CTNNA3: variants seen among roughly 807,000 people sequenced by gnomAD.
CTNNA3 encodes the protein catenin alpha-3.
In CTNNA3, 76 loss-of-function variants were observed where a neutral mutation model predicts 95.7. That is an observed-to-expected ratio of 0.79 (90% CI 0.66 to 0.96). The LOEUF is 0.96. Among genes scored for constraint, CTNNA3 ranks in the 40% least tolerant of loss-of-function variants. CTNNA3 has a pLI of 0.00. For synonymous variants in CTNNA3, 431 were observed against 374.4 expected (o/e 1.15, Z -1.74); for missense variants, 1,191 against 1,089.8 (o/e 1.09, Z -1.31).
At position 66,340,807 on chromosome 10, in the gene CTNNA3, C is replaced by T. The variant is rs564876435; in HGVS notation, c.1732+38345G>A. On this transcript the variant is annotated intron_variant, in intron 12 of 17. Coordinates refer to ENST00000433211, the MANE Select transcript of CTNNA3 (RefSeq NM_013266.4). Reference sequence around the variant, plus strand: ...TGTTTAATAGATAAATAAAATGTGGCGAAAAAAAGGTGAAGTAATATCCAA... The same window carrying T: ...TGTTTAATAGATAAATAAAATGTGGTGAAAAAAAGGTGAAGTAATATCCAA... Among the ~76,000 whole-genome samples the T allele has an allele frequency of 8.9e-4, 134 of 150,726 alleles. 1 individual carries two copies. The highest frequency in any genetic ancestry group is 5.3e-4 in the African/African-American group (22 of 41,190).
chr10:67,292,999 A>C (rs1373315087), intron 5 of CTNNA3, among the ~76,000 whole-genome samples: 4 of 152,022 alleles, frequency 2.6e-5, no homozygotes, highest in Non-Finnish European at 5.9e-5. Context: ...AGGATATTGA[A>C]TCATATAAAT....
At chr10:67,001,829 G>T (rs975904936) in intron 7 of CTNNA3, among the ~76,000 whole-genome samples, 2 of 152,140 alleles carry the variant, frequency 1.3e-5, no homozygotes. Context: ...TCTACTGACT[G>T]TATCTCTTCC....
intron 7 of CTNNA3, among the ~76,000 whole-genome samples, chr10:67,139,238 T>G: frequency 6.6e-6 from 1 of 151,884 alleles, no homozygotes; most frequent in Non-Finnish European, 1.5e-5. Flanking sequence ...GTTCAAGTGC[T>G]TCTCCTGCTT....
Position 66,451,320 on chromosome 10 carries a change from A to G in CTNNA3, c.1531+69297T>C, listed in dbSNP as rs531496805. On this transcript the variant is annotated intron_variant, in intron 11 of 17. Transcript: ENST00000433211. ...GTGTCATTTTATTTAATCATGTAAC[A>G]ACACAATAAGGTAAATGTTATTATA... 2.6e-5 allele frequency among the ~76,000 whole-genome samples: 4 copies of G among 152,318 alleles called. No individual in the cohort carries two copies. The South Asian group carries it at 8.3e-4, about 32-fold the overall frequency.
chr10:67,074,222 G>A (rs750174027), intron 7 of CTNNA3, among the ~76,000 whole-genome samples: 9 of 151,288 alleles, frequency 5.9e-5, no homozygotes, highest in Admixed American at 1.3e-4. Context: ...TAATAGAAAC[G>A]GGGTTTCACC....
chr10:66,776,639 C>T (rs1241767022), intron 7 of CTNNA3, among the ~76,000 whole-genome samples: 2 of 152,076 alleles, frequency 1.3e-5, no homozygotes, highest in Non-Finnish European at 2.9e-5. Flanking sequence ...TGTCTCTTCT[C>T]CCCAGTTCTT....
intron 16 of CTNNA3, among the ~76,000 whole-genome samples, chr10:65,976,443 A>G (rs916207154): frequency 6.6e-6 from 1 of 152,206 alleles, no homozygotes; most frequent in Non-Finnish European, 1.5e-5. Context: ...AGAAAAGCCT[A>G]TAATTCCATT....
chr10:65,970,745 A>T (rs1275483051), intron 16 of CTNNA3, among the ~76,000 whole-genome samples: 1 of 149,052 alleles, frequency 6.7e-6, no homozygotes, highest in Non-Finnish European at 1.5e-5. Flanking sequence ...GATAAAAAAG[A>T]CTTTAAACCA....
chr10:67,160,192 C>A (rs1348290631), intron 7 of CTNNA3, among the ~76,000 whole-genome samples: 2 of 151,688 alleles, frequency 1.3e-5, no homozygotes, highest in African/African-American at 4.8e-5. Flanking sequence ...GTTAGGAAAG[C>A]TATTATCAAT....
At chr10:65,964,266 C>G (rs988416477) in intron 17 of CTNNA3, among the ~76,000 whole-genome samples, 1 of 152,144 alleles carries the variant, frequency 6.6e-6, no homozygotes, top group Admixed American at 6.5e-5. Context: ...ATTTAGAAAG[C>G]TTTCTAGGAT....
chr10:66,688,500 A>G (rs1168653255), intron 9 of CTNNA3, among the ~76,000 whole-genome samples: 9 of 152,136 alleles, frequency 5.9e-5, no homozygotes, highest in Non-Finnish European at 1.3e-4. Context: ...GTTAGGTCAA[A>G]GAACGAATGA....
intron 12 of CTNNA3, among the ~76,000 whole-genome samples, chr10:66,360,820 T>TTCCTTC (rs2092664698): frequency 1.8e-5 from 1 of 56,554 alleles, no homozygotes; most frequent in African/African-American, 1.3e-4. Context: ...TTCCTTCCTT[T>TTCCTTC]CTTTCTTTCT....
chr10:66,426,066 C>T (rs12267524), intron 11 of CTNNA3, among the ~76,000 whole-genome samples: 58,104 of 151,890 alleles, frequency 0.38, 11,675 homozygotes, highest in African/African-American at 0.5. Flanking sequence ...CTGTTTCATT[C>T]ATTTTCATTG....
chr10:66,740,764 T>C (rs1233193745), intron 9 of CTNNA3, among the ~76,000 whole-genome samples: 1 of 152,242 alleles, frequency 6.6e-6, no homozygotes, highest in African/African-American at 2.4e-5. Context: ...TAAGTATGAT[T>C]AAATTCCACT....
chr10:67,587,151 A>G (rs1842652233), intron 3 of CTNNA3, among the ~76,000 whole-genome samples: 1 of 150,412 alleles, frequency 6.6e-6, no homozygotes, highest in South Asian at 2.1e-4. Flanking sequence ...CAGCCTCCCA[A>G]GTAGCTAGGA....
At chr10:67,695,165 C>T (rs1485860169) in intron 1 of CTNNA3, among the ~76,000 whole-genome samples, 1 of 152,232 alleles carries the variant, frequency 6.6e-6, no homozygotes, top group African/African-American at 2.4e-5. Flanking sequence ...AACTTGAAAT[C>T]CTGCTTTTTC....
intron 9 of CTNNA3, among the ~76,000 whole-genome samples, chr10:66,671,136 G>A (rs1021430701): frequency 6.6e-6 from 1 of 152,062 alleles, no homozygotes; most frequent in Non-Finnish European, 1.5e-5. Context: ...GAACCAAACT[G>A]CAAATTCAAT....
intron 13 of CTNNA3, among the ~76,000 whole-genome samples, chr10:66,155,715 T>A (rs2084463059): frequency 6.6e-6 from 1 of 151,902 alleles, no homozygotes; most frequent in Admixed American, 6.6e-5. Context: ...TAAAAATGTG[T>A]TATATAAAAG....
chr10:67,015,659 A>C (rs1463205700), intron 7 of CTNNA3, among the ~76,000 whole-genome samples: 2 of 152,216 alleles, frequency 1.3e-5, no homozygotes, highest in Non-Finnish European at 2.9e-5. Context: ...AAATTGTCCT[A>C]GAACAGAGTA....
Sources: allele counts gnomAD v4.1 joint callset (sites outside exome capture counted in the v4.1 genomes callset), GRCh38; gene constraint gnomAD v4.1.1; transcripts MANE v1.5; gene names NCBI Gene and HGNC (gene_info 2026-07-23, HGNC 2026-07-21).